RHOBTB1: variants seen among roughly 807,000 people sequenced by gnomAD.
The protein encoded by RHOBTB1 is rho-related BTB domain-containing protein 1.
A neutral mutation model predicts 71.6 loss-of-function variants in RHOBTB1; 40 were observed. The observed-to-expected ratio is 0.56, with a 90% CI of 0.43 to 0.73. The LOEUF (loss-of-function observed/expected upper bound fraction) is 0.73. Ranked by LOEUF, RHOBTB1 falls within the 30% of genes least tolerant of loss-of-function variation. RHOBTB1 has a pLI of 0.00. For synonymous variants in RHOBTB1, 319 were observed against 334.9 expected (o/e 0.95, Z 0.52); for missense variants, 797 against 894.0 (o/e 0.89, Z 1.38).
chr10:60,910,802 G>T (rs2082926135), intron 4 of RHOBTB1, 85 bp downstream of exon 4: 3 of 963,482 alleles, frequency 3.1e-6, no homozygotes, highest in Non-Finnish European at 3.3e-6. Flanking sequence ...ATATGATGTG[G>T]TTTTTGTTGA....
Position 60,893,040 on chromosome 10 carries a change from T to C in RHOBTB1, c.297-45A>G, listed in dbSNP as rs760558932. The stretch of plus-strand genomic sequence containing the variant: ...GAAGCTTGTATTGCCTTTTAACAGG[T>C]TTTTTCTTTTACCATTATGGTTCCT... On this transcript the variant is annotated intron_variant, in intron 4 of 10. Transcript: ENST00000337910. 13 of 1,473,096 alleles carry C rather than the reference T, an allele frequency of 8.8e-6. No individual in the cohort carries two copies. In the East Asian group the frequency reaches 2.5e-4, roughly 28 times the overall value. 91.3% of individuals were successfully genotyped at this position (1,473,096 alleles called of 1,614,324 possible).
intron 2 of RHOBTB1, among the ~76,000 whole-genome samples, chr10:60,955,895 C>G (rs2085575696): frequency 6.6e-6 from 1 of 152,142 alleles, no homozygotes; most frequent in African/African-American, 2.4e-5. Flanking sequence ...TTTATAACAA[C>G]TTTTAATTAT....
chr10:60,896,537 T>C (rs982358517), intron 4 of RHOBTB1, among the ~76,000 whole-genome samples: 4 of 152,198 alleles, frequency 2.6e-5, no homozygotes, highest in South Asian at 2.1e-4. Context: ...ACCTGAATAC[T>C]GAAAAGGGGT....
At chr10:60,958,678 A>G (rs1253248401) in intron 2 of RHOBTB1, among the ~76,000 whole-genome samples, 1 of 152,172 alleles carries the variant, frequency 6.6e-6, no homozygotes, top group Non-Finnish European at 1.5e-5. Context: ...ATCACAGTTC[A>G]CTGCCTTGAC....
intron 2 of RHOBTB1, among the ~76,000 whole-genome samples, chr10:60,974,906 C>A (rs962164356): frequency 6.6e-6 from 1 of 151,970 alleles, no homozygotes; most frequent in Non-Finnish European, 1.5e-5. Context: ...ATGGGGATGA[C>A]TGTATTTTTT....
chr10:60,948,437 G>A (rs1205633971), upstream of RHOBTB1, among the ~76,000 whole-genome samples: 4 of 152,208 alleles, frequency 2.6e-5, no homozygotes, highest in Admixed American at 6.5e-5. Context: ...CCTTAGCCAC[G>A]TGTAGTCGAG....
intron 4 of RHOBTB1, among the ~76,000 whole-genome samples, chr10:60,908,636 T>C (rs1013433046): frequency 1.3e-5 from 2 of 152,210 alleles, no homozygotes; most frequent in African/African-American, 4.8e-5. Flanking sequence ...TATAGTGAAT[T>C]AAAAAACTCC....
chr10:60,866,418 A>G (rs1056613634), downstream of RHOBTB1, among the ~76,000 whole-genome samples: 1 of 152,252 alleles, frequency 6.6e-6, no homozygotes, highest in Admixed American at 6.5e-5. Context: ...AACACTGTAT[A>G]TAAAGAAACC....
At chr10:60,867,369 C>T (rs2080639196), downstream of RHOBTB1, among the ~76,000 whole-genome samples, 1 of 152,120 alleles carries the variant, frequency 6.6e-6, no homozygotes, top group Non-Finnish European at 1.5e-5. Context: ...AATATCTAAC[C>T]ATTCTTGTAT....
rs2082973518 is a variant in RHOBTB1, at chr10:60,911,565, A to G, written c.-10-13T>C. The G allele has an allele frequency of 3.7e-6, 6 of 1,604,278 alleles. No individual in the cohort carries two copies. Among genetic ancestry groups the G allele is most frequent in the Non-Finnish European group, 5.1e-6 (6 of 1,172,212 alleles). On this transcript the variant is annotated splice_polypyrimidine_tract_variant and intron_variant, in intron 2 of 10. Coordinates refer to ENST00000337910, the MANE Select transcript of RHOBTB1 (RefSeq NM_014836.5). ...CATTTATGAAACTCTGTAAGAAGAGAGTGAACACCACAGTAAGGACACCAA... is the reference window on the plus strand; with the variant it reads ...CATTTATGAAACTCTGTAAGAAGAGGGTGAACACCACAGTAAGGACACCAA...
At position 60,932,614 on chromosome 10, in the gene RHOBTB1, G is replaced by A. The variant is rs957020793; in HGVS notation, c.-11+9190C>T. On this transcript the variant is annotated intron_variant, in intron 2 of 10. Transcript: ENST00000337910. ...GTGGGGCACATCTAAGGGCTGGATC[G>A]GGAAGCTTTGTCAAGAATTAATAAT... 5.3e-5 allele frequency among the ~76,000 whole-genome samples: 8 copies of A among 151,814 alleles called. No individual in the cohort carries two copies. In the South Asian group the frequency reaches 6.3e-4, roughly 12 times the overall value.
In RHOBTB1 at chr10:60,869,647, T is replaced by G. The variant is rs1020195301; in HGVS notation, c.*1835A>C. ...GCAAGATTACAATCAAATGGGAGCT[T>G]TGGTTGTAAAATTTCAACTATGACT... On this transcript the variant is annotated 3_prime_UTR_variant, in exon 11 of 11. Coordinates refer to ENST00000337910, the MANE Select transcript of RHOBTB1 (RefSeq NM_014836.5). 6.6e-6 allele frequency: 1 copy of G among 152,624 alleles called. No individual in the cohort carries two copies. The highest frequency in any genetic ancestry group is 2.4e-5 in the African/African-American group (1 of 41,448). The allele number at this position is 152,624 out of a possible 1,614,324, so 9.5% of individuals were successfully genotyped here. A position where few individuals can be genotyped will look rare whatever the true frequency, so the allele number is the denominator to read the frequency against.
chr10:60,917,801 C>T (rs1172536198), intron 2 of RHOBTB1, among the ~76,000 whole-genome samples: 1 of 151,868 alleles, frequency 6.6e-6, no homozygotes, highest in Non-Finnish European at 1.5e-5. Flanking sequence ...TCTTACCAAC[C>T]CTCCTCCATT....
Position 60,871,227 on chromosome 10 carries a change from C to T in RHOBTB1, c.*255G>A, listed in dbSNP as rs2080762561. 3 of 359,594 alleles carry T rather than the reference C, an allele frequency of 8.3e-6. No homozygotes were observed. Among genetic ancestry groups the T allele is most frequent in the African/African-American group, 4.2e-5 (2 of 47,578 alleles). 22.3% of individuals were successfully genotyped at this position (359,594 alleles called of 1,614,324 possible). A position where few individuals can be genotyped will look rare whatever the true frequency, so the allele number is the denominator to read the frequency against. On this transcript the variant is annotated 3_prime_UTR_variant, in exon 11 of 11. Coordinates refer to ENST00000337910, the MANE Select transcript of RHOBTB1 (RefSeq NM_014836.5). ...AATAACAGACTAAAGTTTATTAAGC[C>T]TCCTAACAAAAAAAATATACATATC...
intron 1 of RHOBTB1, among the ~76,000 whole-genome samples, chr10:61,001,242 A>G (rs1273117273): frequency 1.3e-5 from 2 of 152,118 alleles, no homozygotes; most frequent in Non-Finnish European, 2.9e-5. Context: ...CCTCCTTTCA[A>G]GGGTGCAAAG....
chr10:60,965,358 C>T (rs1002640752), intron 2 of RHOBTB1, among the ~76,000 whole-genome samples: 1 of 151,784 alleles, frequency 6.6e-6, no homozygotes, highest in African/African-American at 2.4e-5. Flanking sequence ...TCATAATAGT[C>T]CTTTAAGTGG....
At chr10:60,863,547 T>A in the RHOBTB1 span, among the ~76,000 whole-genome samples, 1 of 152,110 alleles carries the variant, frequency 6.6e-6, no homozygotes, top group Non-Finnish European at 1.5e-5. Flanking sequence ...CCCCTTTTTT[T>A]TTTGAGATGA....
chr10:60,865,191 A>T (rs2080631388), downstream of RHOBTB1, among the ~76,000 whole-genome samples: 1 of 152,182 alleles, frequency 6.6e-6, no homozygotes, highest in African/African-American at 2.4e-5. Context: ...TGTCCAATAA[A>T]TAATTTATCC....
chr10:60,991,426 C>A (rs1338790134), intron 1 of RHOBTB1, among the ~76,000 whole-genome samples: 1 of 136,890 alleles, frequency 7.3e-6, no homozygotes, highest in African/African-American at 2.8e-5. Context: ...GGCCTTCCCT[C>A]AGTACTTTTT....
Sources: gnomAD v4.1 joint callset for allele counts (sites outside exome capture counted in the v4.1 genomes callset) on GRCh38, gnomAD v4.1.1 for gene constraint, MANE v1.5 for transcripts, NCBI Gene and HGNC (gene_info 2026-07-23, HGNC 2026-07-21) for gene names.